ZBTB7C: variants seen among roughly 807,000 people sequenced by gnomAD.
ZBTB7C encodes the protein zinc finger and BTB domain-containing protein 7C.
In ZBTB7C, 8 loss-of-function variants were observed where a neutral mutation model predicts 25.7. That is an observed-to-expected ratio of 0.31 (90% CI 0.18 to 0.56). The LOEUF is 0.56. Ranked by LOEUF, ZBTB7C falls within the 20% of genes least tolerant of loss-of-function variation. The probability of loss-of-function intolerance (pLI) is 0.91; values close to 1 mark genes in which losing one functional copy is unlikely to be tolerated. For missense variants in ZBTB7C, 824 were observed against 855.2 expected (o/e 0.96, Z 0.46); for synonymous variants, 394 against 369.0 (o/e 1.07, Z -0.78).
intron 2 of ZBTB7C, among the ~76,000 whole-genome samples, chr18:48,227,405 T>G (rs2043133069): frequency 6.6e-6 from 1 of 152,262 alleles, no homozygotes; most frequent in Non-Finnish European, 1.5e-5. Context: ...AGCAAGCTGC[T>G]CCACCCTCTT....
intron 2 of ZBTB7C, among the ~76,000 whole-genome samples, chr18:48,188,476 A>G (rs1599063758): frequency 6.6e-6 from 1 of 152,300 alleles, no homozygotes; most frequent in South Asian, 2.1e-4. Flanking sequence ...CCATGATTCA[A>G]TTATCTCCCA....
Position 48,160,935 on chromosome 18 carries a change from G to GTTT in ZBTB7C, c.-17+24996_-17+24998dup, listed in dbSNP as rs59824886. The stretch of plus-strand genomic sequence containing the variant: ...TCTGGAATTCCACCATTTGAGACAA[G>GTTT]TTTTTTTTTTTTTTTTTTCCAGTGC... On this transcript the variant is annotated intron_variant, in intron 3 of 4. Coordinates refer to ENST00000590800, the MANE Select transcript of ZBTB7C (RefSeq NM_001318841.2). 9.1e-3 allele frequency among the ~76,000 whole-genome samples: 1,243 copies of GTTT among 136,868 alleles called. 9 individuals carry two copies. The highest frequency in any genetic ancestry group is 0.023 in the African/African-American group (828 of 35,990). The allele number at this position is 136,868 out of a possible 152,430, so 89.8% of individuals were successfully genotyped here.
intron 3 of ZBTB7C, among the ~76,000 whole-genome samples, chr18:48,132,763 G>C (rs971450849): frequency 6.6e-6 from 1 of 152,194 alleles, no homozygotes; most frequent in African/African-American, 2.4e-5. Flanking sequence ...CTCTTCCAGT[G>C]GCTCCAGAAA....
At chr18:48,360,725 G>A (rs1038513314) in intron 1 of ZBTB7C, among the ~76,000 whole-genome samples, 19 of 152,274 alleles carry the variant, frequency 1.2e-4, no homozygotes, top group African/African-American at 4.3e-4. Context: ...CAAAGGCAGG[G>A]GTGAGTGTGA....
intron 2 of ZBTB7C, among the ~76,000 whole-genome samples, chr18:48,310,975 GGCAGTAAATTACATCATGT>G (rs1359896575): frequency 3.9e-5 from 6 of 152,130 alleles, no homozygotes; most frequent in Non-Finnish European, 8.8e-5. Context: ...AGCCAATTTG[GGCAGTAAATTACATCATGT>G]GCAGTCTTTG....
chr18:48,286,713 C>G (rs1360623226), intron 2 of ZBTB7C, among the ~76,000 whole-genome samples: 1 of 152,084 alleles, frequency 6.6e-6, no homozygotes, highest in Non-Finnish European at 1.5e-5. Context: ...GTGTGTTTAA[C>G]ACCAGCCTTG....
intron 2 of ZBTB7C, among the ~76,000 whole-genome samples, chr18:48,225,796 G>A (rs1162717924): frequency 9.2e-5 from 14 of 152,062 alleles, no homozygotes; most frequent in Admixed American, 6.5e-4. Context: ...AGGCTGGAGT[G>A]CAGTGGCATG....
intron 3 of ZBTB7C, among the ~76,000 whole-genome samples, chr18:48,128,660 C>T (rs1004048008): frequency 3.3e-5 from 5 of 151,632 alleles, no homozygotes; most frequent in Admixed American, 6.6e-5. Context: ...GCGATGGGTA[C>T]GCAAAGGCAT....
intron 3 of ZBTB7C, chr18:48,165,681 C>T (rs1770302887): frequency 6.5e-6 from 1 of 153,792 alleles, no homozygotes; most frequent in African/African-American, 2.4e-5. Context: ...AAAATAAAGC[C>T]CTGGAGTCCA....
intron 2 of ZBTB7C, among the ~76,000 whole-genome samples, chr18:48,214,635 T>C (rs1488531492): frequency 6.6e-6 from 1 of 152,222 alleles, no homozygotes; most frequent in Non-Finnish European, 1.5e-5. Context: ...GTAGCAACCC[T>C]TTTATTCCTT....
chr18:48,243,419 C>A (rs539772362), intron 2 of ZBTB7C, among the ~76,000 whole-genome samples: 4 of 151,864 alleles, frequency 2.6e-5, no homozygotes, highest in East Asian at 1.9e-4. Context: ...ACCCCTTTTA[C>A]GAAAGCTGCA....
intron 2 of ZBTB7C, among the ~76,000 whole-genome samples, chr18:48,271,490 A>C (rs747534585): frequency 6.1e-5 from 9 of 148,252 alleles, no homozygotes; most frequent in Non-Finnish European, 1.2e-4. Context: ...AATCAAATAA[A>C]TATTTATATT....
chr18:48,331,359 T>C (rs545528363), intron 2 of ZBTB7C, among the ~76,000 whole-genome samples: 91 of 152,258 alleles, frequency 6.0e-4, no homozygotes, highest in African/African-American at 2.2e-3. Context: ...AGGTGGCAAG[T>C]GATATTAAGT....
At chr18:48,046,587 C>G (rs921478015) in intron 3 of ZBTB7C, among the ~76,000 whole-genome samples, 4 of 152,222 alleles carry the variant, frequency 2.6e-5, no homozygotes, top group Admixed American at 2.6e-4. Flanking sequence ...AAAATTCCCA[C>G]CATTCCTTAA....
intron 1 of ZBTB7C, among the ~76,000 whole-genome samples, chr18:48,352,466 A>C (rs896626787): frequency 1.3e-5 from 2 of 152,168 alleles, no homozygotes; most frequent in African/African-American, 4.8e-5. Context: ...CTCTTTTAGC[A>C]AAGCATCACC....
intron 2 of ZBTB7C, among the ~76,000 whole-genome samples, chr18:48,314,900 C>T (rs187831666): frequency 1.3e-5 from 2 of 152,308 alleles, no homozygotes; most frequent in East Asian, 1.9e-4. Context: ...TGTTTGCAGC[C>T]AGCAGGGGAG....
intron 1 of ZBTB7C, among the ~76,000 whole-genome samples, chr18:48,407,228 C>A (rs575900140): frequency 6.6e-6 from 1 of 152,134 alleles, no homozygotes; most frequent in Non-Finnish European, 1.5e-5. Flanking sequence ...AATCTAATTA[C>A]CAGGAAAACA....
chr18:48,412,150 C>T (rs923259640), upstream of ZBTB7C, among the ~76,000 whole-genome samples: 8 of 152,224 alleles, frequency 5.3e-5, no homozygotes, highest in East Asian at 9.7e-4. Flanking sequence ...CAAGTGTTGC[C>T]CCATGAACAA....
intron 3 of ZBTB7C, among the ~76,000 whole-genome samples, chr18:48,109,880 C>A (rs1011085894): frequency 1.3e-5 from 2 of 152,184 alleles, no homozygotes; most frequent in African/African-American, 4.8e-5. Context: ...CACCCTCCCC[C>A]CAAACACTTC....
Sources: allele counts gnomAD v4.1 joint callset (sites outside exome capture counted in the v4.1 genomes callset), GRCh38; gene constraint gnomAD v4.1.1; transcripts MANE v1.5; gene names NCBI Gene and HGNC (gene_info 2026-07-23, HGNC 2026-07-21).